Variants in TBX18 observed in about 807,000 individuals in gnomAD.
The protein encoded by TBX18 is T-box transcription factor 18, also known as T-box transcription factor TBX18.
In TBX18, 21 loss-of-function variants were observed where a neutral mutation model predicts 55.0. The observed-to-expected ratio is 0.38, with a 90% CI of 0.27 to 0.55. TBX18 has a LOEUF of 0.55. TBX18 is among the 20% of genes least tolerant of loss of function. TBX18 has a pLI of 0.73. For missense variants in TBX18, 840 were observed against 799.6 expected, an observed-to-expected ratio of 1.05 and a Z score of -0.61; for synonymous variants, 342 against 326.1, an observed-to-expected ratio of 1.05 and a Z score of -0.53.
chr6:84,752,486 T>C (rs952896161), intron 4 of TBX18, among the ~76,000 whole-genome samples: 9 of 152,162 alleles, frequency 5.9e-5, no homozygotes, highest in African/African-American at 2.2e-4. Flanking sequence ...CATAGCAAGG[T>C]AGCCTTCTTT....
At chr6:84,739,673 T>C (rs966278355) in intron 6 of TBX18, among the ~76,000 whole-genome samples, 1 of 152,164 alleles carries the variant, frequency 6.6e-6, no homozygotes, top group African/African-American at 2.4e-5. Context: ...TTTAATAGTT[T>C]GACTCAAGGT....
At chr6:84,760,184 G>A in intron 3 of TBX18, 71 bp downstream of exon 3, 1 of 926,422 alleles carries the variant, frequency 1.1e-6, no homozygotes, top group East Asian at 2.8e-5. Flanking sequence ...AGTCCTCACA[G>A]ATCAAACAGG....
chr6:84,738,465 G>C, intron 7 of TBX18, 32 bp downstream of exon 7: 1 of 1,553,454 alleles, frequency 6.4e-7, no homozygotes, highest in Middle Eastern at 1.7e-4. Flanking sequence ...GGAACGGGCT[G>C]TATATATGAC....
chr6:84,757,157 T>C (rs1239688318), intron 3 of TBX18, among the ~76,000 whole-genome samples: 1 of 152,218 alleles, frequency 6.6e-6, no homozygotes, highest in African/African-American at 2.4e-5. Context: ...TTATTCACCC[T>C]AGACATTCCA....
Position 84,736,680 on chromosome 6 carries a change from C to T in TBX18, c.*5G>A, listed in dbSNP as rs1017040761. 18 of 1,525,968 alleles carry T rather than the reference C, an allele frequency of 1.2e-5. No individual in the cohort carries two copies. The highest frequency in any genetic ancestry group is 2.3e-5 in the East Asian group (1 of 43,646). 94.5% of individuals were successfully genotyped at this position (1,525,968 alleles called of 1,614,324 possible). On this transcript the variant is annotated 3_prime_UTR_variant, in exon 8 of 8. Transcript: ENST00000369663. The stretch of plus-strand genomic sequence containing the variant: ...ATCCAAATGTCATTTAACTTAAAGG[C>T]TTCATCAGACCATATGTGCAGATAC...
chr6:84,763,114 G>A, intron 1 of TBX18: 1 of 398,300 alleles, frequency 2.5e-6, no homozygotes, highest in Non-Finnish European at 4.7e-6. Flanking sequence ...GGAGCTCCCG[G>A]GTCCAGAGTC....
rs1189693816 is a variant in TBX18 at position 84,764,100 on chromosome 6, C to T, written c.82G>A (p.Ala28Thr). The change falls in exon 1 of 8, where the codon GCC becomes ACC. Residue 28 changes from alanine (A) to threonine (T), a missense_variant. By Grantham distance (58) the Ala-to-Thr change is moderately conservative. Transcript: ENST00000369663. ...TTCTGAAGCTGTTGCTGCTTCTCGG[C>T]GCCGATCAGCGCCTCCACCGAGAAA... ...HAFSVEALIG[A>T]EKQQQLQKKR... The T allele has an allele frequency of 1.3e-6, 2 of 1,585,668 alleles. No individual in the cohort carries two copies. Among genetic ancestry groups the T allele is most frequent in the Admixed American group, 1.7e-5 (1 of 58,706 alleles).
Position 84,734,691 on chromosome 6 carries a change from G to A in TBX18, c.*1994C>T, listed in dbSNP as rs558409398. The A allele has an allele frequency of 6.6e-6, 1 of 152,554 alleles. No individual in the cohort carries two copies. The highest frequency in any genetic ancestry group is 2.4e-5 in the African/African-American group (1 of 41,520). The allele number at this position is 152,554 out of a possible 1,614,324, so 9.5% of individuals were successfully genotyped here. A position where few individuals can be genotyped will look rare whatever the true frequency, so the allele number is the denominator to read the frequency against. On this transcript the variant is annotated 3_prime_UTR_variant, in exon 8 of 8. Transcript: ENST00000369663. ...CATCTGAAATGATCAACGGCAAGAA[G>A]GAAAATGCTCTTATTAATACATATG...
chr6:84,763,543 G>T, intron 1 of TBX18: 1 of 536,408 alleles, frequency 1.9e-6, no homozygotes, highest in Non-Finnish European at 3.5e-6. Flanking sequence ...CCCGCCCTGT[G>T]CTTTTAAAAG....
rs1235991799 is a variant in TBX18 at position 84,737,520 on chromosome 6, TAC to T, written c.1100-113_1100-112del. On this transcript the variant is annotated intron_variant, in intron 7 of 7. Transcript: ENST00000369663. ...TACAAGGCAAGGGTTGGAGGAATGC[TAC>T]AGAGATGAAAAGGAGATGGTCTCAG... The T allele has an allele frequency of 6.6e-6, 8 of 1,204,320 alleles. No homozygotes were observed. In the African/African-American group the frequency reaches 1.1e-4, roughly 16 times the overall value. 74.6% of individuals were successfully genotyped at this position (1,204,320 alleles called of 1,614,324 possible).
chr6:84,761,311 T>C (rs547641236), intron 2 of TBX18, among the ~76,000 whole-genome samples: 3 of 152,192 alleles, frequency 2.0e-5, no homozygotes, highest in Non-Finnish European at 4.4e-5. Flanking sequence ...AAAAATACCA[T>C]GAAAGACTAC....
At chr6:84,755,743 A>G (rs1469204457) in intron 4 of TBX18, among the ~76,000 whole-genome samples, 3 of 152,344 alleles carry the variant, frequency 2.0e-5, no homozygotes, top group East Asian at 3.9e-4. Flanking sequence ...CATTTGTATC[A>G]CAGTGAAATT....
Position 84,756,817 on chromosome 6 carries a change from C to A in TBX18, c.652G>T (p.Val218Leu), listed in dbSNP as rs762141083. The change falls in exon 4 of 8, where the codon GTG becomes TTG. Residue 218 changes from valine (V) to leucine (L), a missense_variant. Physicochemically the swap from Val to Leu is conservative, Grantham distance 32. Transcript: ENST00000369663. ...GGATGAATGTACACACGGGGTGGCACAGGCGAGTCAGCATTACCTGCCACC... is the reference window on the plus strand; with the variant it reads ...GGATGAATGTACACACGGGGTGGCAAAGGCGAGTCAGCATTACCTGCCACC... ...WMVAGNADSP[V>L]PPRVYIHPDS... 1 of 1,614,104 alleles carries A rather than the reference C, an allele frequency of 6.2e-7. No homozygotes were observed. The highest frequency in any genetic ancestry group is 8.5e-7 in the Non-Finnish European group (1 of 1,180,014).
rs1304206012 is a variant in TBX18 at position 84,764,347 on chromosome 6, G to C, written c.-166C>G. ...ACAGATTTGGCGTTTCCGCTTTCTC[G>C]CTTGTGTTGGGATCCAGGAACCGGC... On this transcript the variant is annotated 5_prime_UTR_variant, in exon 1 of 8. Coordinates refer to ENST00000369663, the MANE Select transcript of TBX18 (RefSeq NM_001080508.3). 3 of 1,013,174 alleles carry C rather than the reference G, an allele frequency of 3.0e-6. No homozygotes were observed. The highest frequency in any genetic ancestry group is 4.0e-6 in the Non-Finnish European group (3 of 751,548). The allele number at this position is 1,013,174 out of a possible 1,614,324, so 62.8% of individuals were successfully genotyped here.
Position 84,735,441 on chromosome 6 carries a change from C to T in TBX18, c.*1244G>A, listed in dbSNP as rs941048716. On this transcript the variant is annotated 3_prime_UTR_variant, in exon 8 of 8. Coordinates refer to ENST00000369663, the MANE Select transcript of TBX18 (RefSeq NM_001080508.3). ...AATTAGTATCTTCCTTCTTAGTCCT[C>T]CAAGAGGGTCTTTATAGTAATGGGC... 6.6e-5 allele frequency: 10 copies of T among 152,126 alleles called. No individual in the cohort carries two copies. The highest frequency in any genetic ancestry group is 1.2e-4 in the Non-Finnish European group (8 of 68,022). The allele number at this position is 152,126 out of a possible 1,614,324, so 9.4% of individuals were successfully genotyped here.
intron 1 of TBX18, chr6:84,763,151 C>A: frequency 2.7e-6 from 1 of 367,534 alleles, no homozygotes; most frequent in African/African-American, 2.1e-5. Context: ...ACGCAACCTG[C>A]GCCTCGAAGC....
In TBX18 at chr6:84,737,140, A is replaced by G. The variant is rs1274799521; in HGVS notation, c.1369T>C (p.Tyr457His). 1 of 1,614,124 alleles carries G rather than the reference A, an allele frequency of 6.2e-7. No individual in the cohort carries two copies. The highest frequency in any genetic ancestry group is 1.1e-5 in the South Asian group (1 of 91,092). ...GAGGTGCTGCTGCTCACGCCCACAT[A>G]GGAGGGAGTCCTGGGCGGGGCAAAG... The part of the protein sequence containing the change: ...ETFAPPRTPS[Y>H]VGVSSSTSVN... Residue 457 changes from tyrosine (Y) to histidine (H), a missense_variant, in exon 8 of 8, where the codon TAT becomes CAT. Tyr to His is a moderately conservative substitution (Grantham distance 83). Coordinates refer to ENST00000369663, the MANE Select transcript of TBX18 (RefSeq NM_001080508.3).
chr6:84,745,612 A>G (rs538162575), intron 5 of TBX18, among the ~76,000 whole-genome samples: 112 of 152,222 alleles, frequency 7.4e-4, no homozygotes, highest in Middle Eastern at 3.4e-3. Context: ...TTAAGTCATC[A>G]TGTCTGCCAC....
chr6:84,763,452 C>A (rs1270973481), intron 1 of TBX18: 1 of 463,362 alleles, frequency 2.2e-6, no homozygotes, highest in Non-Finnish European at 4.3e-6. Context: ...TCCAAATATG[C>A]CGCCCTCTTC....
Sources: gnomAD v4.1 joint callset for allele counts (sites outside exome capture counted in the v4.1 genomes callset) on GRCh38, gnomAD v4.1.1 for gene constraint, MANE v1.5 for transcripts, NCBI Gene and HGNC (gene_info 2026-07-23, HGNC 2026-07-21) for gene names.